Variants in KLF12 observed in about 807,000 individuals in gnomAD.
The protein encoded by KLF12 is KLF transcription factor 12, also known as Krueppel-like factor 12.
Under a neutral mutation model 37.8 loss-of-function variants are expected in KLF12, and 9 were observed. The ratio of observed to expected loss-of-function variants is 0.24; its 90% CI spans 0.14 to 0.42. The LOEUF (loss-of-function observed/expected upper bound fraction) is 0.42, where lower values mean the gene tolerates loss of function less well. Ranked by LOEUF, KLF12 falls within the 10% of genes least tolerant of loss-of-function variation. KLF12 has a pLI of 1.00. For synonymous variants in KLF12, 208 were observed against 202.1 expected (o/e 1.03, Z -0.25); for missense variants, 411 against 516.0 (o/e 0.80, Z 1.97).
chr13:73,754,657 CAGTAACA>C (rs150218849), intron 6 of KLF12, among the ~76,000 whole-genome samples: 4,700 of 152,090 alleles, frequency 0.031, 218 homozygotes, highest in African/African-American at 0.1. Context: ...TTATTATGAC[CAGTAACA>C]AGGCTACTGC....
chr13:74,198,857 CTGTA>C, the KLF12 span, among the ~76,000 whole-genome samples: 1 of 152,168 alleles, frequency 6.6e-6, no homozygotes, highest in Non-Finnish European at 1.5e-5. Flanking sequence ...GAAGCCAAGA[CTGTA>C]TGTATTTGAC....
At chr13:74,304,580 A>G in the KLF12 span, among the ~76,000 whole-genome samples, 2 of 152,148 alleles carry the variant, frequency 1.3e-5, no homozygotes, top group Non-Finnish European at 2.9e-5. Context: ...GCTATTTGGC[A>G]TTGCAGTTAT....
At chr13:73,855,261 A>G (rs1885544749) in intron 3 of KLF12, among the ~76,000 whole-genome samples, 1 of 152,090 alleles carries the variant, frequency 6.6e-6, no homozygotes, top group Admixed American at 6.5e-5. Context: ...CCCCAATAGT[A>G]CCCAGAGTCT....
intron 3 of KLF12, among the ~76,000 whole-genome samples, chr13:73,893,685 T>C (rs1034113149): frequency 6.6e-6 from 1 of 152,078 alleles, no homozygotes; most frequent in African/African-American, 2.4e-5. Context: ...CCCAGCCTAA[T>C]ATTGATTGTT....
intron 3 of KLF12, among the ~76,000 whole-genome samples, chr13:73,916,331 CAATT>C (rs538029746): frequency 6.9e-4 from 104 of 151,672 alleles, no homozygotes; most frequent in Non-Finnish European, 1.2e-3. Flanking sequence ...ATAGAAATAA[CAATT>C]AATTAAAAGA....
chr13:74,117,111 G>T (rs1877352960), intron 1 of KLF12, among the ~76,000 whole-genome samples: 1 of 152,142 alleles, frequency 6.6e-6, no homozygotes. Context: ...AAGAAAGACT[G>T]ATTCTGATCA....
upstream of KLF12, among the ~76,000 whole-genome samples, chr13:74,134,348 A>G (rs1308453182): frequency 4.0e-5 from 6 of 151,370 alleles, no homozygotes; most frequent in African/African-American, 7.3e-5. Flanking sequence ...CTTTATTGCC[A>G]TAAAATGGGG....
Position 73,690,539 on chromosome 13 carries a change from T to C in KLF12, c.*4951A>G, listed in dbSNP as rs571188369. On this transcript the variant is annotated 3_prime_UTR_variant, in exon 8 of 8. Coordinates refer to ENST00000377669, the MANE Select transcript of KLF12 (RefSeq NM_007249.5). Reference sequence around the variant, plus strand: ...AAAGACATTACTAGTTTGGAATCAGTTGTCTGCAACTTAAAATGACTTCAT... The same window carrying C: ...AAAGACATTACTAGTTTGGAATCAGCTGTCTGCAACTTAAAATGACTTCAT... 5.3e-5 allele frequency: 8 copies of C among 152,334 alleles called. No homozygotes were observed. Among genetic ancestry groups the C allele is most frequent in the Admixed American group, 2.0e-4 (3 of 15,302 alleles). The allele number at this position is 152,334 out of a possible 1,614,324, so 9.4% of individuals were successfully genotyped here.
chr13:74,269,669 G>T, the KLF12 span, among the ~76,000 whole-genome samples: 1 of 152,166 alleles, frequency 6.6e-6, no homozygotes, highest in Non-Finnish European at 1.5e-5. Context: ...AGGGGTATTT[G>T]TTATATTTTT....
In KLF12 at chr13:74,058,353, CTTTTTTTTTTTTT is replaced by C. The variant is rs55954411; in HGVS notation, c.-31-63313_-31-63301del. 5.4e-4 allele frequency among the ~76,000 whole-genome samples: 39 copies of C among 72,660 alleles called. No homozygotes were observed. In the East Asian group the frequency reaches 0.013, roughly 24 times the overall value. 47.7% of individuals were successfully genotyped at this position (72,660 alleles called of 152,430 possible). On this transcript the variant is annotated intron_variant, in intron 1 of 7. Transcript: ENST00000377669. ...GAAGGAATTTATCTCATAATTTTAT[CTTTTTTTTTTTTT>C]TTTTTTTTGAGACAGAGTCTCGCTC...
Position 74,133,848 on chromosome 13 carries a change from C to T in KLF12, c.-141G>A, listed in dbSNP as rs1041527370. Among the ~76,000 whole-genome samples, 1 of 151,992 alleles carries T rather than the reference C, an allele frequency of 6.6e-6. No homozygotes were observed. The highest frequency in any genetic ancestry group is 1.5e-5 in the Non-Finnish European group (1 of 67,974). On this transcript the variant is annotated 5_prime_UTR_variant, in exon 1 of 8. Transcript: ENST00000377669. ...ACGCGCGCGCGCACACACACACACA[C>T]ACTCGCACACACACGGCGTCACCCG...
At chr13:74,021,884 C>T (rs948633570) in intron 1 of KLF12, among the ~76,000 whole-genome samples, 23 of 152,166 alleles carry the variant, frequency 1.5e-4, no homozygotes, top group African/African-American at 4.8e-4. Context: ...GAACTGCCAT[C>T]AAGCATAGAT....
At chr13:74,242,563 A>G in the KLF12 span, among the ~76,000 whole-genome samples, 8 of 152,268 alleles carry the variant, frequency 5.3e-5, no homozygotes, top group Non-Finnish European at 1.0e-4. Flanking sequence ...CTACAATTCA[A>G]GATGAGATTT....
At chr13:74,165,145 C>T in the KLF12 span, among the ~76,000 whole-genome samples, 1 of 151,936 alleles carries the variant, frequency 6.6e-6, no homozygotes, top group Non-Finnish European at 1.5e-5. Context: ...ATGCATGTAT[C>T]AAAATATCTC....
intron 3 of KLF12, among the ~76,000 whole-genome samples, chr13:73,857,997 T>A (rs1402734712): frequency 6.6e-6 from 1 of 152,204 alleles, no homozygotes; most frequent in Non-Finnish European, 1.5e-5. Context: ...TTCTCATTTA[T>A]ACATGAAAAT....
chr13:74,112,418 GT>G (rs1314469155), intron 1 of KLF12, among the ~76,000 whole-genome samples: 1 of 148,934 alleles, frequency 6.7e-6, no homozygotes, highest in Non-Finnish European at 1.5e-5. Context: ...GTGTGTGTGT[GT>G]TTTGTTTTGA....
At chr13:73,771,447 G>C (rs73216719) in intron 5 of KLF12, among the ~76,000 whole-genome samples, 1 of 152,068 alleles carries the variant, frequency 6.6e-6, no homozygotes, top group Admixed American at 6.5e-5. Flanking sequence ...ATAACACATT[G>C]TTCACATATA....
At chr13:74,233,479 GT>G in the KLF12 span, among the ~76,000 whole-genome samples, 1 of 152,146 alleles carries the variant, frequency 6.6e-6, no homozygotes, top group Non-Finnish European at 1.5e-5. Context: ...TTTGTTACCA[GT>G]TCTTCCAGAA....
At chr13:74,213,440 T>C in the KLF12 span, among the ~76,000 whole-genome samples, 5 of 152,318 alleles carry the variant, frequency 3.3e-5, no homozygotes, top group South Asian at 4.2e-4. Context: ...TGGGCTTTTT[T>C]CCTTTATTTC....
Sources: gnomAD v4.1 joint callset for allele counts (sites outside exome capture counted in the v4.1 genomes callset) on GRCh38, gnomAD v4.1.1 for gene constraint, MANE v1.5 for transcripts, NCBI Gene and HGNC (gene_info 2026-07-23, HGNC 2026-07-21) for gene names.